Variants in FAM20A observed in about 807,000 individuals in gnomAD.
The protein encoded by FAM20A is FAM20A golgi associated secretory pathway pseudokinase.
In FAM20A, 42 loss-of-function variants were observed where a neutral mutation model predicts 52.0. That is an observed-to-expected ratio of 0.81 (90% CI 0.63 to 1.04). The LOEUF (loss-of-function observed/expected upper bound fraction) is 1.04. Among genes scored for constraint, FAM20A ranks in the 50% least tolerant of loss-of-function variants. The pLI is 0.00. For synonymous variants in FAM20A, 304 were observed against 298.9 expected (o/e 1.02, Z -0.18); for missense variants, 742 against 712.7 (o/e 1.04, Z -0.47).
intron 1 of FAM20A, among the ~76,000 whole-genome samples, chr17:68,563,192 C>T (rs2087267268): frequency 6.6e-6 from 1 of 151,888 alleles, no homozygotes; most frequent in South Asian, 2.1e-4. Context: ...TCAAGACCAG[C>T]CTAGCCAACA....
intron 1 of FAM20A, among the ~76,000 whole-genome samples, chr17:68,593,433 T>C (rs1442386085): frequency 6.6e-6 from 1 of 152,258 alleles, no homozygotes; most frequent in African/African-American, 2.4e-5. Context: ...CCTCTTTTCT[T>C]GGCAAATGAT....
chr17:68,551,057 C>T, intron 4 of FAM20A: 1 of 1,234,058 alleles, frequency 8.1e-7, no homozygotes, highest in Non-Finnish European at 1.0e-6. Context: ...AACGTGGCCC[C>T]TCTTGGGGCG....
In FAM20A at chr17:68,554,766, A is replaced by G. The variant is rs8071830; in HGVS notation, c.640+11T>C. ...GAAGAGGCTGGGTGGGGGTGGGGCT[A>G]GGTCACTTACTCTGGGTGCAGTCAC... On this transcript the variant is annotated intron_variant, in intron 3 of 10. Coordinates refer to ENST00000592554, the MANE Select transcript of FAM20A (RefSeq NM_017565.4). The G allele has an allele frequency of 5.1e-3, 8,284 of 1,612,928 alleles. 361 individuals are homozygous for G. In the African/African-American group the frequency reaches 0.095, roughly 19 times the overall value.
chr17:68,572,020 A>ATC (rs1568762592), intron 1 of FAM20A, among the ~76,000 whole-genome samples: 5 of 113,372 alleles, frequency 4.4e-5, no homozygotes, highest in African/African-American at 1.7e-4. Context: ...ATATATATAT[A>ATC]TATATATATA....
rs1482516354 is a variant in FAM20A, at chr17:68,600,838, C to T, written c.-172G>A. On this transcript the variant is annotated 5_prime_UTR_variant, in exon 1 of 11. Coordinates refer to ENST00000592554, the MANE Select transcript of FAM20A (RefSeq NM_017565.4). This position sits in a 1 kb window ranked among gnomAD's most constrained non-coding sequence, Gnocchi z 6.2. Reference sequence around the variant, plus strand: ...TCCCCTGTGGAGGGGTGTCGCTCCTCAACTTGGGGACCAGGTGCACGGAGC... The same window carrying T: ...TCCCCTGTGGAGGGGTGTCGCTCCTTAACTTGGGGACCAGGTGCACGGAGC... 14 of 639,338 alleles carry T rather than the reference C, an allele frequency of 2.2e-5. No individual in the cohort carries two copies. The highest frequency in any genetic ancestry group is 2.2e-5 in the South Asian group (1 of 46,076). The allele number at this position is 639,338 out of a possible 1,614,324, so 39.6% of individuals were successfully genotyped here. A position where few individuals can be genotyped will look rare whatever the true frequency, so the allele number is the denominator to read the frequency against.
rs753017398 is a variant in FAM20A at position 68,541,962 on chromosome 17, G to C, written c.1109+23C>G. 2.6e-5 allele frequency: 42 copies of C among 1,608,606 alleles called. No individual in the cohort carries two copies. The Middle Eastern group carries it at 7.0e-4, about 27-fold the overall frequency. On this transcript the variant is annotated intron_variant, in intron 7 of 10. Coordinates refer to ENST00000592554, the MANE Select transcript of FAM20A (RefSeq NM_017565.4). Reference sequence around the variant, plus strand: ...TGTGGCTACTGTCAAGGACTGGGCTGTGTGGCCTGGGGACCAACTCACTCC... The same window carrying C: ...TGTGGCTACTGTCAAGGACTGGGCTCTGTGGCCTGGGGACCAACTCACTCC...
chr17:68,539,543 C>T, intron 9 of FAM20A, 147 bp from the exon 10 acceptor site: 1 of 751,304 alleles, frequency 1.3e-6, no homozygotes, highest in South Asian at 1.5e-5. Context: ...CCCCTCTCCC[C>T]AGTCAGATCA....
rs1294354780 is a variant in FAM20A at position 68,537,612 on chromosome 17, G to A, written c.1491C>T (p.Ala497=). 6.2e-7 allele frequency: 1 copy of A among 1,613,704 alleles called. No homozygotes were observed. The highest frequency in any genetic ancestry group is 8.5e-7 in the Non-Finnish European group (1 of 1,179,884). ...GGATGGTTTGGAGCCTTCGATCCAGGGCAAGGAGGTGGGGTTCAGTGAGGA... is the reference window on the plus strand; with the variant it reads ...GGATGGTTTGGAGCCTTCGATCCAGAGCAAGGAGGTGGGGTTCAGTGAGGA... ...SPVLTEPHLL[A]LDRRLQTILR... Residue 497 remains alanine (A), a synonymous_variant, in exon 11 of 11, where the codon GCC becomes GCT. Transcript: ENST00000592554. The surrounding 1 kb of genome is among the most constrained non-coding windows in gnomAD (Gnocchi z 4.2).
chr17:68,558,072 G>A (rs2087105053), intron 1 of FAM20A, among the ~76,000 whole-genome samples: 1 of 152,024 alleles, frequency 6.6e-6, no homozygotes. Context: ...AAAGATCCAG[G>A]GCATCAGAAG....
At chr17:68,550,392 TTTTTA>T (rs1390090694) in intron 4 of FAM20A, among the ~76,000 whole-genome samples, 1 of 141,956 alleles carries the variant, frequency 7.0e-6, no homozygotes, top group African/African-American at 2.8e-5. Flanking sequence ...TTTTTTTTTT[TTTTTA>T]AGATAGAGAG....
chr17:68,582,974 T>G (rs1282496276), intron 1 of FAM20A, among the ~76,000 whole-genome samples: 15 of 151,108 alleles, frequency 9.9e-5, no homozygotes, highest in African/African-American at 3.2e-4. Flanking sequence ...TGATTTTTTT[T>G]TTTTTGTATT....
chr17:68,549,061 G>A (rs1261420558), intron 4 of FAM20A, among the ~76,000 whole-genome samples: 1 of 152,202 alleles, frequency 6.6e-6, no homozygotes, highest in Non-Finnish European at 1.5e-5. Flanking sequence ...TGACCAGGCA[G>A]AGATGTATTA....
intron 1 of FAM20A, among the ~76,000 whole-genome samples, chr17:68,575,395 A>ATT (rs1555830225): frequency 2.2e-5 from 3 of 133,550 alleles, no homozygotes; most frequent in Admixed American, 1.8e-4. Flanking sequence ...ATATATATAT[A>ATT]TTTTATATAT....
rs2088603152 is a variant in FAM20A at position 68,600,748 on chromosome 17, A to C, written c.-82T>G. ...AGGGGTCGCGGGGTGCGGGCAGAAG[A>C]GGTGCCTGGAGTCCCGCGGGTGGGC... On this transcript the variant is annotated 5_prime_UTR_variant, in exon 1 of 11. Coordinates refer to ENST00000592554, the MANE Select transcript of FAM20A (RefSeq NM_017565.4). This position sits in a 1 kb window ranked among gnomAD's most constrained non-coding sequence, Gnocchi z 6.2. 1.3e-5 allele frequency: 18 copies of C among 1,422,100 alleles called. No individual in the cohort carries two copies. The South Asian group carries it at 2.3e-4, about 18-fold the overall frequency. The allele number at this position is 1,422,100 out of a possible 1,614,324, so 88.1% of individuals were successfully genotyped here. A position where few individuals can be genotyped will look rare whatever the true frequency, so the allele number is the denominator to read the frequency against.
Position 68,537,223 on chromosome 17 carries a change from A to G in FAM20A, c.*254T>C, listed in dbSNP as rs1295002799. 2 of 639,468 alleles carry G rather than the reference A, an allele frequency of 3.1e-6. No individual in the cohort carries two copies. Among genetic ancestry groups the G allele is most frequent in the East Asian group, 6.5e-5 (2 of 30,834 alleles). The allele number at this position is 639,468 out of a possible 1,614,324, so 39.6% of individuals were successfully genotyped here. A position where few individuals can be genotyped will look rare whatever the true frequency, so the allele number is the denominator to read the frequency against. On this transcript the variant is annotated 3_prime_UTR_variant, in exon 11 of 11. Coordinates refer to ENST00000592554, the MANE Select transcript of FAM20A (RefSeq NM_017565.4). This position sits in a 1 kb window ranked among gnomAD's most constrained non-coding sequence, Gnocchi z 4.2. ...ACCCAGATTTCCCAGTGCACTCAGGAGATCGTCGGTGGCCTTGATGAAGCC... is the reference window on the plus strand; with the variant it reads ...ACCCAGATTTCCCAGTGCACTCAGGGGATCGTCGGTGGCCTTGATGAAGCC...
chr17:68,558,995 T>A (rs1170788332), intron 1 of FAM20A, among the ~76,000 whole-genome samples: 1 of 152,194 alleles, frequency 6.6e-6, no homozygotes, highest in Non-Finnish European at 1.5e-5. Context: ...TGACCTCAGG[T>A]GATCCGCCCG....
At chr17:68,592,713 T>G (rs1265764083) in intron 1 of FAM20A, among the ~76,000 whole-genome samples, 1 of 152,244 alleles carries the variant, frequency 6.6e-6, no homozygotes, top group Admixed American at 6.5e-5. Context: ...ATGTACCCTG[T>G]GCCAACACTT....
chr17:68,571,197 A>G (rs952707785), intron 1 of FAM20A, among the ~76,000 whole-genome samples: 2 of 152,206 alleles, frequency 1.3e-5, no homozygotes, highest in African/African-American at 4.8e-5. Flanking sequence ...CAGAAGAGAA[A>G]TGGAACAGCA....
At chr17:68,555,812 C>T in intron 1 of FAM20A, 69 bp from the exon 2 acceptor site, 1 of 1,542,726 alleles carries the variant, frequency 6.5e-7, no homozygotes, top group Non-Finnish European at 9.0e-7. Context: ...ACCTTGTCTG[C>T]AGTTTTTTAT....
Sources: allele counts gnomAD v4.1 joint callset (sites outside exome capture counted in the v4.1 genomes callset), GRCh38; gene constraint gnomAD v4.1.1; non-coding constraint Gnocchi (gnomAD v3.1); transcripts MANE v1.5; gene names NCBI Gene and HGNC (gene_info 2026-07-23, HGNC 2026-07-21).